Variants in ADAMTSL1 observed in about 807,000 individuals in gnomAD.
The protein encoded by ADAMTSL1 is ADAMTS like 1.
A neutral mutation model predicts 201.8 loss-of-function variants in ADAMTSL1; 126 were observed. That is an observed-to-expected ratio of 0.62 (90% confidence interval 0.54 to 0.72). The LOEUF (loss-of-function observed/expected upper bound fraction) is 0.72. ADAMTSL1 is among the 30% of genes least tolerant of loss of function. The pLI is 0.00. For missense variants in ADAMTSL1, 2,679 were observed against 2,277.8 expected (o/e 1.18, Z -3.59); for synonymous variants, 1,121 against 903.4 (o/e 1.24, Z -4.32).
intron 1 of ADAMTSL1, among the ~76,000 whole-genome samples, chr9:18,031,353 G>C (rs577617136): frequency 6.6e-6 from 1 of 152,160 alleles, no homozygotes; most frequent in East Asian, 1.9e-4. Context: ...TTGAAGCCTT[G>C]ACTGTGGTGT....
chr9:18,276,088 C>A (rs1049090014), intron 2 of ADAMTSL1, among the ~76,000 whole-genome samples: 31 of 151,788 alleles, frequency 2.0e-4, no homozygotes, highest in Admixed American at 2.6e-4. Flanking sequence ...TTTAGTTATC[C>A]CAGTGGTTGT....
At chr9:18,810,339 C>T (rs947659885) in intron 20 of ADAMTSL1, among the ~76,000 whole-genome samples, 3 of 152,116 alleles carry the variant, frequency 2.0e-5, no homozygotes, top group African/African-American at 7.2e-5. Flanking sequence ...TTCTGATGAG[C>T]TTAATTACCT....
At chr9:17,957,638 A>C (rs935568882) in intron 1 of ADAMTSL1, among the ~76,000 whole-genome samples, 5 of 152,156 alleles carry the variant, frequency 3.3e-5, no homozygotes, top group Non-Finnish European at 5.9e-5. Flanking sequence ...ATTCATGTCC[A>C]CTTAGAACCT....
intron 1 of ADAMTSL1, among the ~76,000 whole-genome samples, chr9:18,085,717 G>GTA (rs1214893505): frequency 2.0e-5 from 3 of 150,044 alleles, no homozygotes; most frequent in South Asian, 2.1e-4. Context: ...TACTGTGTGT[G>GTA]TATATATATA....
chr9:18,485,198 C>G (rs1203451171), intron 1 of ADAMTSL1, among the ~76,000 whole-genome samples: 2 of 152,070 alleles, frequency 1.3e-5, no homozygotes, highest in South Asian at 4.1e-4. Flanking sequence ...CGAACCGAGG[C>G]AGAGTTCATT....
chr9:18,310,175 C>A (rs760210802), intron 2 of ADAMTSL1, among the ~76,000 whole-genome samples: 123 of 151,794 alleles, frequency 8.1e-4, no homozygotes, highest in Admixed American at 7.2e-4. Context: ...ACACCTTACA[C>A]AAAAATTAAC....
intron 15 of ADAMTSL1, 88 bp downstream of exon 15, chr9:18,721,753 G>A (rs1305212391): frequency 2.7e-6 from 4 of 1,489,504 alleles, no homozygotes; most frequent in South Asian, 1.4e-5. Context: ...ACACTTATTT[G>A]TTACTCAGTG....
chr9:18,108,027 A>G (rs1211341518), intron 1 of ADAMTSL1, among the ~76,000 whole-genome samples: 1 of 152,076 alleles, frequency 6.6e-6, no homozygotes, highest in Non-Finnish European at 1.5e-5. Context: ...ATAATTAATG[A>G]TTTTTGAAAG....
intron 1 of ADAMTSL1, among the ~76,000 whole-genome samples, chr9:17,926,588 G>A (rs1207151055): frequency 6.6e-6 from 1 of 152,156 alleles, no homozygotes; most frequent in Non-Finnish European, 1.5e-5. Context: ...CTTCATTGTA[G>A]AACTAATAGA....
At chr9:18,836,218 A>G (rs1419986718) in intron 23 of ADAMTSL1, among the ~76,000 whole-genome samples, 1 of 152,228 alleles carries the variant, frequency 6.6e-6, no homozygotes, top group East Asian at 1.9e-4. Flanking sequence ...CTGAAATGGT[A>G]TCTCATTGTC....
intron 2 of ADAMTSL1, among the ~76,000 whole-genome samples, chr9:18,530,749 C>G (rs79182516): frequency 0.02 from 3,033 of 152,272 alleles, 40 homozygotes; most frequent in Non-Finnish European, 0.031. Flanking sequence ...TTCACAAATA[C>G]TAACTCAGTT....
intron 25 of ADAMTSL1, among the ~76,000 whole-genome samples, chr9:18,889,997 A>T (rs1250063133): frequency 6.6e-6 from 1 of 152,090 alleles, no homozygotes; most frequent in African/African-American, 2.4e-5. Context: ...CCAAGTCCCT[A>T]ACGGGGTCTG....
At chr9:18,826,117 T>C in intron 21 of ADAMTSL1, 167 bp from the exon 22 acceptor site, 1 of 737,478 alleles carries the variant, frequency 1.4e-6, no homozygotes, top group East Asian at 2.7e-5. Context: ...TATATCCTTA[T>C]CCTACCAGGC....
chr9:17,986,255 C>G (rs1283846266), intron 1 of ADAMTSL1, among the ~76,000 whole-genome samples: 1 of 151,936 alleles, frequency 6.6e-6, no homozygotes, highest in Non-Finnish European at 1.5e-5. Flanking sequence ...TGAGAAAACC[C>G]ATGTTTCTTT....
At chr9:18,149,297 G>A (rs551456458) in intron 1 of ADAMTSL1, among the ~76,000 whole-genome samples, 30 of 152,102 alleles carry the variant, frequency 2.0e-4, no homozygotes, top group African/African-American at 7.2e-4. Context: ...CCATAGAGGA[G>A]CAGATGATCA....
At chr9:18,434,234 G>A (rs1463789376) in intron 2 of ADAMTSL1, among the ~76,000 whole-genome samples, 1 of 152,072 alleles carries the variant, frequency 6.6e-6, no homozygotes, top group Non-Finnish European at 1.5e-5. Context: ...TAAAAGCTTT[G>A]GGCAAGGTCC....
chr9:18,099,558 AT>A (rs1207980830), intron 1 of ADAMTSL1, among the ~76,000 whole-genome samples: 6 of 147,234 alleles, frequency 4.1e-5, no homozygotes, highest in Non-Finnish European at 9.0e-5. Flanking sequence ...GTATGTCGAA[AT>A]TTTTTTTACC....
At chr9:17,941,639 G>A (rs539946466) in intron 1 of ADAMTSL1, among the ~76,000 whole-genome samples, 9 of 152,064 alleles carry the variant, frequency 5.9e-5, no homozygotes, top group East Asian at 3.9e-4. Context: ...GTATAGAGTC[G>A]GGGCAATATT....
At chr9:17,970,861 A>G (rs1778176) in intron 1 of ADAMTSL1, among the ~76,000 whole-genome samples, 128,614 of 151,980 alleles carry the variant, frequency 0.85, 54,672 homozygotes, top group East Asian at 0.94. Context: ...ATGCTTTTTG[A>G]AGGTAGGAAT....
Sources: gnomAD v4.1 joint callset for allele counts (sites outside exome capture counted in the v4.1 genomes callset) on GRCh38, gnomAD v4.1.1 for gene constraint, MANE v1.5 for transcripts, NCBI Gene and HGNC (gene_info 2026-07-23, HGNC 2026-07-21) for gene names.